VAV3: variants seen among roughly 807,000 people sequenced by gnomAD.
VAV3 encodes the protein guanine nucleotide exchange factor VAV3.
In VAV3, 94 loss-of-function variants were observed where a neutral mutation model predicts 131.2. That is an observed-to-expected ratio of 0.72 (90% CI 0.61 to 0.85). The LOEUF (loss-of-function observed/expected upper bound fraction) is 0.85, where lower values mean the gene tolerates loss of function less well. Ranked by LOEUF, VAV3 falls within the 40% of genes least tolerant of loss-of-function variation. The probability of loss-of-function intolerance (pLI) is 0.00; values close to 1 mark genes in which losing one functional copy is unlikely to be tolerated. For missense variants in VAV3, 939 were observed against 1,002.7 expected (o/e 0.94, Z 0.86); for synonymous variants, 349 against 342.0 (o/e 1.02, Z -0.22).
chr1:107,664,800 A>C (rs1037725355), intron 19 of VAV3, among the ~76,000 whole-genome samples: 5 of 152,226 alleles, frequency 3.3e-5, no homozygotes, highest in African/African-American at 1.2e-4. Context: ...GGAAGAGGGA[A>C]TACTGGAATT....
rs957603106 is a variant in VAV3 at position 107,571,590 on chromosome 1, G to C, written c.*1741C>G. On this transcript the variant is annotated 3_prime_UTR_variant, in exon 27 of 27. Coordinates refer to ENST00000370056, the MANE Select transcript of VAV3 (RefSeq NM_006113.5). Reference sequence around the variant, plus strand: ...TGACGGCAACAGACAAAACATTCCCGAGACAGAGTCGCAGATAAGACTTTA... The same window carrying C: ...TGACGGCAACAGACAAAACATTCCCCAGACAGAGTCGCAGATAAGACTTTA... The C allele has an allele frequency of 2.6e-5, 4 of 152,494 alleles. No individual in the cohort carries two copies. Among genetic ancestry groups the C allele is most frequent in the African/African-American group, 9.7e-5 (4 of 41,424 alleles). The allele number at this position is 152,494 out of a possible 1,614,324, so 9.4% of individuals were successfully genotyped here.
intron 1 of VAV3, among the ~76,000 whole-genome samples, chr1:107,907,344 A>G (rs774228495): frequency 3.9e-5 from 6 of 152,234 alleles, no homozygotes; most frequent in Non-Finnish European, 8.8e-5. Context: ...CTAAAGAGCC[A>G]TTCAAAAAGA....
At chr1:107,620,958 C>T (rs945449925) in intron 20 of VAV3, among the ~76,000 whole-genome samples, 5 of 151,978 alleles carry the variant, frequency 3.3e-5, no homozygotes, top group African/African-American at 1.2e-4. Context: ...ACTAGATGAA[C>T]ATATAATTTT....
At chr1:107,742,768 C>T (rs926857109) in intron 15 of VAV3, among the ~76,000 whole-genome samples, 3 of 152,270 alleles carry the variant, frequency 2.0e-5, no homozygotes, top group Middle Eastern at 3.4e-3. Flanking sequence ...AAAACTGAAA[C>T]GACCTCAGAT....
intron 2 of VAV3, among the ~76,000 whole-genome samples, chr1:107,814,394 T>C (rs1667476601): frequency 6.6e-6 from 1 of 152,162 alleles, no homozygotes; most frequent in Admixed American, 6.5e-5. Context: ...CATTTCCCGA[T>C]GATTAGTGAT....
intron 19 of VAV3, chr1:107,669,490 G>T: frequency 7.8e-7 from 1 of 1,280,202 alleles, no homozygotes; most frequent in Non-Finnish European, 1.0e-6. Context: ...AGACAAGAAA[G>T]AAATAAACAC....
rs138817273 is a variant in VAV3, at chr1:107,708,867, C to T, written c.1503-3806G>A. Among the ~76,000 whole-genome samples the T allele has an allele frequency of 1.3e-3, 202 of 152,096 alleles. 1 individual carries two copies. The East Asian group carries it at 0.022, about 16-fold the overall frequency. Reference sequence around the variant, plus strand: ...CCTTCCCTGAAATCATGACCAATTTCGGTCAATTCAAGCTTAAAAATACCT... The same window carrying T: ...CCTTCCCTGAAATCATGACCAATTTTGGTCAATTCAAGCTTAAAAATACCT... On this transcript the variant is annotated intron_variant, in intron 15 of 26. Coordinates refer to ENST00000370056, the MANE Select transcript of VAV3 (RefSeq NM_006113.5).
At chr1:107,919,903 A>T (rs1043337956) in intron 1 of VAV3, among the ~76,000 whole-genome samples, 3 of 152,192 alleles carry the variant, frequency 2.0e-5, no homozygotes, top group African/African-American at 7.2e-5. Flanking sequence ...TAATAAAGGT[A>T]ACTTAAAAAA....
chr1:107,711,878 G>A (rs765924151), intron 15 of VAV3, among the ~76,000 whole-genome samples: 11 of 152,010 alleles, frequency 7.2e-5, no homozygotes, highest in Non-Finnish European at 1.5e-4. Context: ...TAGAGACGGG[G>A]TTTCACCATA....
At chr1:107,744,178 C>T (rs1663189497) in intron 15 of VAV3, among the ~76,000 whole-genome samples, 1 of 152,172 alleles carries the variant, frequency 6.6e-6, no homozygotes. Flanking sequence ...AATCTCCATC[C>T]CCCATTCTCA....
At chr1:107,608,254 AG>A (rs1652449038) in intron 22 of VAV3, among the ~76,000 whole-genome samples, 1 of 152,160 alleles carries the variant, frequency 6.6e-6, no homozygotes, top group African/African-American at 2.4e-5. Flanking sequence ...AATGGTTCTT[AG>A]GTACCTAATA....
In VAV3 at chr1:107,867,313, C is replaced by A. The variant is rs1295418010; in HGVS notation, c.321+7588G>T. Among the ~76,000 whole-genome samples, 4 of 152,108 alleles carry A rather than the reference C, an allele frequency of 2.6e-5. No individual in the cohort carries two copies. The East Asian group carries it at 7.7e-4, about 29-fold the overall frequency. On this transcript the variant is annotated intron_variant, in intron 2 of 26. Transcript: ENST00000370056. ...AATTAGGAGCAGACTAAAAACTGGACTTGAATAATCACTAAGGTGTAAAAA... is the reference window on the plus strand; with the variant it reads ...AATTAGGAGCAGACTAAAAACTGGAATTGAATAATCACTAAGGTGTAAAAA...
chr1:107,586,562 T>C lies in VAV3; in HGVS notation c.2350+9650A>G, dbSNP rs141815428. Reference sequence around the variant, plus strand: ...ATCTGAGCCAATCAGTCAGGCAATATTGAAATTTTTGTGCCCGGTCTGACA... The same window carrying C: ...ATCTGAGCCAATCAGTCAGGCAATACTGAAATTTTTGTGCCCGGTCTGACA... On this transcript the variant is annotated intron_variant, in intron 25 of 26. Transcript: ENST00000370056. Among the ~76,000 whole-genome samples the C allele has an allele frequency of 3.4e-3, 511 of 152,226 alleles. 2 individuals are homozygous for C. The highest frequency in any genetic ancestry group is 4.5e-3 in the Non-Finnish European group (308 of 68,006).
intron 15 of VAV3, among the ~76,000 whole-genome samples, chr1:107,712,645 TTAGTC>T (rs1341721248): frequency 6.6e-6 from 1 of 151,808 alleles, no homozygotes; most frequent in African/African-American, 2.4e-5. Context: ...TGGCAGTTTA[TTAGTC>T]TATTCAAAAA....
intron 1 of VAV3, among the ~76,000 whole-genome samples, chr1:107,945,310 A>G (rs546825496): frequency 6.6e-6 from 1 of 152,348 alleles, no homozygotes; most frequent in Non-Finnish European, 1.5e-5. Flanking sequence ...ACACCTACAT[A>G]TTTAATTTCA....
chr1:107,580,783 A>T (rs1649984460), intron 25 of VAV3, among the ~76,000 whole-genome samples: 2 of 152,218 alleles, frequency 1.3e-5, no homozygotes, highest in Non-Finnish European at 2.9e-5. Context: ...AAGCAATATC[A>T]GAATAAGGTA....
At chr1:107,878,528 G>T (rs1213851052) in intron 1 of VAV3, among the ~76,000 whole-genome samples, 2 of 152,060 alleles carry the variant, frequency 1.3e-5, no homozygotes, top group African/African-American at 4.8e-5. Context: ...CATTTGTTTG[G>T]TTGTTTCTTC....
intron 4 of VAV3, 71 bp from the exon 5 acceptor site, chr1:107,772,914 T>A (rs773924116): frequency 3.9e-5 from 50 of 1,266,682 alleles, no homozygotes; most frequent in Non-Finnish European, 4.9e-5. Flanking sequence ...AATAGCCTAC[T>A]GGATTTTAGT....
intron 20 of VAV3, among the ~76,000 whole-genome samples, chr1:107,620,006 A>G (rs910941418): frequency 6.6e-6 from 1 of 152,132 alleles, no homozygotes; most frequent in Non-Finnish European, 1.5e-5. Context: ...AATCCCATGC[A>G]CACCTTTCCA....
Sources: gnomAD v4.1 joint callset for allele counts (sites outside exome capture counted in the v4.1 genomes callset) on GRCh38, gnomAD v4.1.1 for gene constraint, MANE v1.5 for transcripts, NCBI Gene and HGNC (gene_info 2026-07-23, HGNC 2026-07-21) for gene names.